Variants in COL27A1 observed in about 807,000 individuals in gnomAD.
COL27A1 encodes collagen type XXVII alpha 1 chain.
A neutral mutation model predicts 251.3 loss-of-function variants in COL27A1; 106 were observed. The observed-to-expected ratio is 0.42, with a 90% CI of 0.36 to 0.50. COL27A1 has a LOEUF of 0.50. Among genes scored for constraint, COL27A1 ranks in the 20% least tolerant of loss-of-function variants. COL27A1 has a pLI of 0.00. For missense variants in COL27A1, 2,325 were observed against 2,522.8 expected (o/e 0.92, Z 1.68); for synonymous variants, 1,000 against 986.3 (o/e 1.01, Z -0.26).
chr9:114,225,948 G>A (rs1439335532), intron 14 of COL27A1, among the ~76,000 whole-genome samples: 2 of 152,096 alleles, frequency 1.3e-5, no homozygotes, highest in African/African-American at 2.4e-5. Flanking sequence ...TGGAAGTGTC[G>A]GGCTTGTCAC....
At chr9:114,255,987 G>A (rs1833894648) in intron 27 of COL27A1, among the ~76,000 whole-genome samples, 1 of 152,232 alleles carries the variant, frequency 6.6e-6, no homozygotes. Context: ...AGTGCATGAT[G>A]TGGTGTCTCA....
intron 16 of COL27A1, among the ~76,000 whole-genome samples, chr9:114,234,745 A>AT (rs1249737416): frequency 2.6e-5 from 4 of 152,100 alleles, no homozygotes; most frequent in Non-Finnish European, 4.4e-5. Context: ...AAGCCAGGAA[A>AT]TCTGATTTCC....
chr9:114,187,267 T>C (rs1017749413), intron 5 of COL27A1, among the ~76,000 whole-genome samples: 2 of 152,342 alleles, frequency 1.3e-5, no homozygotes, highest in Admixed American at 6.5e-5. Context: ...CCTTTGTGAT[T>C]TAGTGCTCAT....
rs1404058716 is a variant in COL27A1, at chr9:114,168,701, C to A, written c.1146C>A (p.Ile382=). The A allele has an allele frequency of 6.2e-7, 1 of 1,613,990 alleles. No homozygotes were observed. Among genetic ancestry groups the A allele is most frequent in the African/African-American group, 1.3e-5 (1 of 74,922 alleles). The stretch of plus-strand genomic sequence containing the variant: ...CCCCTTCTACTTCAATTGTGCCCAT[C>A]AAAAGCCCCCATCCTACCCAGAAAA... ...PSAPSTSIVP[I]KSPHPTQKTA... is the part of the protein sequence containing the mutation. The change falls in exon 3 of 61, where the codon ATC becomes ATA. Residue 382 remains isoleucine (I), a synonymous_variant. Coordinates refer to ENST00000356083, the MANE Select transcript of COL27A1 (RefSeq NM_032888.4).
chr9:114,262,110 G>C (rs993460058), intron 28 of COL27A1, among the ~76,000 whole-genome samples: 1 of 152,174 alleles, frequency 6.6e-6, no homozygotes, highest in East Asian at 1.9e-4. Context: ...CCCTCAGGAG[G>C]GTTCAGTTGT....
At chr9:114,247,600 T>C (rs574483204) in intron 24 of COL27A1, among the ~76,000 whole-genome samples, 1 of 152,302 alleles carries the variant, frequency 6.6e-6, no homozygotes, top group Admixed American at 6.5e-5. Context: ...GGTGGGAACC[T>C]TGCCTGGAGC....
At chr9:114,165,722 A>G (rs963441059) in intron 2 of COL27A1, among the ~76,000 whole-genome samples, 1 of 150,184 alleles carries the variant, frequency 6.7e-6, no homozygotes, top group Non-Finnish European at 1.5e-5. Flanking sequence ...TCATCCATTT[A>G]TCTATTCATT....
chr9:114,263,419 C>T (rs1295597884), intron 28 of COL27A1, among the ~76,000 whole-genome samples: 1 of 152,124 alleles, frequency 6.6e-6, no homozygotes, highest in Non-Finnish European at 1.5e-5. Flanking sequence ...CAGGACACTC[C>T]TGTCCTCCCA....
intron 14 of COL27A1, among the ~76,000 whole-genome samples, chr9:114,224,694 C>T (rs956275587): frequency 6.7e-5 from 8 of 119,088 alleles, no homozygotes; most frequent in African/African-American, 2.6e-4. Context: ...ACTGTGTCTT[C>T]CAGGCTGGAG....
chr9:114,301,712 C>T lies in COL27A1; in HGVS notation c.4840C>T (p.Pro1614Ser). ...TCCCGGCCCCAGAGGGCGGCCCGGC[C>T]CCCCGGTAGGTAACTGAGTGCTGGG... ...GPPGPRGRPG[P>S]PGPPGGPIQL... The change falls in exon 55 of 61, where the codon CCC becomes TCC. Residue 1614 changes from proline to serine, a missense_variant. Pro to Ser is a moderately conservative substitution (Grantham distance 74, BLOSUM62 -1). Coordinates refer to ENST00000356083, the MANE Select transcript of COL27A1 (RefSeq NM_032888.4). The T allele has an allele frequency of 1.2e-6, 2 of 1,612,204 alleles. No homozygotes were observed. The highest frequency in any genetic ancestry group is 1.3e-5 in the African/African-American group (1 of 74,958).
chr9:114,257,107 C>T (rs1040814157), intron 27 of COL27A1, among the ~76,000 whole-genome samples: 2 of 152,130 alleles, frequency 1.3e-5, no homozygotes, highest in East Asian at 1.9e-4. Flanking sequence ...TGGGTGATAG[C>T]GGCTGGGTTC....
At chr9:114,260,195 C>G (rs1032488304) in intron 28 of COL27A1, among the ~76,000 whole-genome samples, 22 of 152,244 alleles carry the variant, frequency 1.4e-4, no homozygotes, top group Non-Finnish European at 2.9e-4. Flanking sequence ...CTCCACCACC[C>G]CTTCCCAGCA....
At chr9:114,259,931 G>A (rs1273284153) in intron 28 of COL27A1, among the ~76,000 whole-genome samples, 1 of 151,808 alleles carries the variant, frequency 6.6e-6, no homozygotes, top group African/African-American at 2.4e-5. Flanking sequence ...CGGCCTGGAA[G>A]AGGGAAGATT....
intron 27 of COL27A1, among the ~76,000 whole-genome samples, 192 bp from the exon 28 acceptor site, chr9:114,258,349 G>A (rs1278854602): frequency 2.0e-5 from 3 of 152,182 alleles, no homozygotes. Context: ...CGAGGCTGTG[G>A]CTCGCCTGCT....
intron 1 of COL27A1, 55 bp from the exon 2 acceptor site, chr9:114,162,660 C>T (rs984121373): frequency 2.6e-5 from 35 of 1,325,100 alleles, no homozygotes; most frequent in Middle Eastern, 1.9e-4. Context: ...CAGCCGGATC[C>T]GGGTGTGAGG....
chr9:114,222,023 G>GA (rs1831143421), intron 13 of COL27A1, among the ~76,000 whole-genome samples, 200 bp from the exon 14 acceptor site: 1 of 152,220 alleles, frequency 6.6e-6, no homozygotes, highest in Admixed American at 6.5e-5. Flanking sequence ...GACAGATGTG[G>GA]AAAGCTGATG....
intron 7 of COL27A1, among the ~76,000 whole-genome samples, chr9:114,196,850 T>C (rs2135255162): frequency 6.6e-6 from 1 of 152,222 alleles, no homozygotes; most frequent in East Asian, 1.9e-4. Flanking sequence ...GTGTCTCCCT[T>C]CCTTCAAGAC....
chr9:114,180,386 T>C (rs957019700), intron 4 of COL27A1, among the ~76,000 whole-genome samples: 12 of 152,028 alleles, frequency 7.9e-5, no homozygotes, highest in African/African-American at 2.4e-4. Context: ...TCCCCATCTA[T>C]AAAGGCTGGG....
intron 4 of COL27A1, among the ~76,000 whole-genome samples, chr9:114,179,988 G>A (rs935238733): frequency 5.0e-4 from 76 of 151,838 alleles, no homozygotes; most frequent in African/African-American, 1.6e-3. Flanking sequence ...ACAAGCACAC[G>A]CCCCCGGGCC....
Sources: allele counts gnomAD v4.1 joint callset (sites outside exome capture counted in the v4.1 genomes callset), GRCh38; gene constraint gnomAD v4.1.1; transcripts MANE v1.5; gene names NCBI Gene and HGNC (gene_info 2026-07-23, HGNC 2026-07-21).